CLECL1: variants seen among roughly 807,000 people sequenced by gnomAD.
CLECL1 encodes C-type lectin-like domain family 1.
chr12:9,719,219 G>A (rs1465613790), downstream of CLECL1, among the ~76,000 whole-genome samples: 1 of 152,146 alleles, frequency 6.6e-6, no homozygotes, highest in Non-Finnish European at 1.5e-5. Flanking sequence ...AGGAACCCTT[G>A]AGACCAGGAG....
intron 1 of CLECL1, among the ~76,000 whole-genome samples, chr12:9,731,327 T>C (rs1192767542): frequency 6.6e-6 from 1 of 152,250 alleles, no homozygotes; most frequent in Non-Finnish European, 1.5e-5. Context: ...TTTCCTGCTC[T>C]ATATTTAGTA....
chr12:9,706,136 A>C, the CLECL1 span, among the ~76,000 whole-genome samples: 1 of 151,824 alleles, frequency 6.6e-6, no homozygotes, highest in African/African-American at 2.4e-5. Flanking sequence ...CTTTGTAGCA[A>C]TTGTGATTTG....
chr12:9,722,819 A>G lies in CLECL1; in HGVS notation n.263-6T>C. ...AGTAGAAAAGTTGAAAGAAACTGGA[A>G]GAAAGGAAGATAAGCAATTAAAATC... On this transcript the variant is annotated splice_region_variant and splice_polypyrimidine_tract_variant and intron_variant and non_coding_transcript_variant, in intron 3 of 3. Transcript: ENST00000621400. 8 of 1,594,358 alleles carry G rather than the reference A, an allele frequency of 5.0e-6. No homozygotes were observed. The highest frequency in any genetic ancestry group is 6.9e-6 in the Non-Finnish European group (8 of 1,166,288).
At chr12:9,711,512 T>A (rs1866200333), downstream of CLECL1, among the ~76,000 whole-genome samples, 2 of 150,714 alleles carry the variant, frequency 1.3e-5, no homozygotes, top group African/African-American at 4.9e-5. Context: ...GTAAGTTATT[T>A]AAAAAAAAAA....
At chr12:9,720,406 G>A (rs1057287585), downstream of CLECL1, among the ~76,000 whole-genome samples, 3 of 149,814 alleles carry the variant, frequency 2.0e-5, no homozygotes, top group East Asian at 2.0e-4. Context: ...CGGTGGCTGC[G>A]ATTATGGCTC....
chr12:9,714,198 A>G (rs1288821188), downstream of CLECL1, among the ~76,000 whole-genome samples: 1 of 152,234 alleles, frequency 6.6e-6, no homozygotes, highest in Non-Finnish European at 1.5e-5. Flanking sequence ...TTCATGAGCC[A>G]TCTTGTGCAT....
At chr12:9,720,449 T>C (rs1456073244), downstream of CLECL1, among the ~76,000 whole-genome samples, 1 of 151,820 alleles carries the variant, frequency 6.6e-6, no homozygotes, top group Non-Finnish European at 1.5e-5. Context: ...TTCAAGCGAT[T>C]CTCCTGCCTT....
chr12:9,729,442 T>C (rs1455265342), intron 2 of CLECL1, among the ~76,000 whole-genome samples: 1 of 152,138 alleles, frequency 6.6e-6, no homozygotes, highest in Non-Finnish European at 1.5e-5. Flanking sequence ...CTATAGAAAA[T>C]CTCTAATTTT....
At chr12:9,729,054 C>T (rs965226586) in intron 2 of CLECL1, among the ~76,000 whole-genome samples, 4 of 152,030 alleles carry the variant, frequency 2.6e-5, no homozygotes, top group East Asian at 1.9e-4. Context: ...TTTCCCCAAG[C>T]GTTTATTCAA....
intron 3 of CLECL1, among the ~76,000 whole-genome samples, chr12:9,724,184 G>GAAAAAA (rs71045296): frequency 7.7e-6 from 1 of 130,118 alleles, no homozygotes. Flanking sequence ...GCAACTCCAT[G>GAAAAAA]AAAAAAAAAA....
At chr12:9,715,963 T>C (rs1205109293) in exon 3 of CLECL1, 14 of 152,528 alleles carry the variant, frequency 9.2e-5, no homozygotes, top group Admixed American at 9.2e-4. Context: ...CTGCACATTT[T>C]CACTACTTTT....
intron 3 of CLECL1, among the ~76,000 whole-genome samples, chr12:9,723,166 G>C (rs756944315): frequency 1.2e-4 from 18 of 152,266 alleles, no homozygotes; most frequent in African/African-American, 4.1e-4. Context: ...ATTTTAATTA[G>C]TTGTCTACTA....
downstream of CLECL1, among the ~76,000 whole-genome samples, chr12:9,721,422 A>G (rs922328333): frequency 6.6e-6 from 1 of 152,202 alleles, no homozygotes; most frequent in Non-Finnish European, 1.5e-5. Context: ...TTATTCTTGA[A>G]AGGGAACAAT....
exon 4 of CLECL1, chr12:9,722,744 C>T: frequency 6.2e-7 from 1 of 1,613,964 alleles, no homozygotes; most frequent in South Asian, 1.1e-5. Flanking sequence ...AATCCAGTAA[C>T]ATTTTCCCTT....
chr12:9,732,909 T>C, intron 1 of CLECL1, 40 bp downstream of exon 1: 2 of 1,490,904 alleles, frequency 1.3e-6, no homozygotes, highest in Non-Finnish European at 9.1e-7. Context: ...AGATAACTAG[T>C]AAAATCTTAA....
chr12:9,720,669 T>C (rs1282005085), downstream of CLECL1, among the ~76,000 whole-genome samples: 1 of 152,146 alleles, frequency 6.6e-6, no homozygotes, highest in Non-Finnish European at 1.5e-5. Flanking sequence ...CTGTTTTCTC[T>C]CTCCAGGTCT....
At chr12:9,723,539 A>G (rs1866340748) in intron 3 of CLECL1, among the ~76,000 whole-genome samples, 2 of 152,132 alleles carry the variant, frequency 1.3e-5, no homozygotes, top group Admixed American at 1.3e-4. Flanking sequence ...CACTTCAAAG[A>G]AGGTATGGCA....
intron 1 of CLECL1, among the ~76,000 whole-genome samples, chr12:9,732,083 C>G (rs957549743): frequency 1.3e-5 from 2 of 152,042 alleles, no homozygotes; most frequent in Non-Finnish European, 2.9e-5. Context: ...AAACAAGATG[C>G]TTTTACAACC....
intron 2 of CLECL1, among the ~76,000 whole-genome samples, chr12:9,728,854 G>A (rs1362436107): frequency 6.6e-6 from 1 of 151,846 alleles, no homozygotes; most frequent in Non-Finnish European, 1.5e-5. Flanking sequence ...TAGTTCTAAA[G>A]TTCTACAACT....
Sources: gnomAD v4.1 joint callset for allele counts (sites outside exome capture counted in the v4.1 genomes callset) on GRCh38, gnomAD v4.1.1 for gene constraint, MANE v1.5 for transcripts, NCBI Gene and HGNC (gene_info 2026-07-23, HGNC 2026-07-21) for gene names.